Variants in ACACB observed in about 807,000 individuals in gnomAD.
ACACB encodes acetyl-CoA carboxylase beta, also known as acetyl-CoA carboxylase 2.
Under a neutral mutation model 278.8 loss-of-function variants are expected in ACACB, and 209 were observed. The observed-to-expected ratio is 0.75, with a 90% confidence interval of 0.67 to 0.84. The LOEUF (loss-of-function observed/expected upper bound fraction) is 0.84. ACACB is among the 40% of genes least tolerant of loss of function. ACACB has a pLI of 0.00. For missense variants in ACACB, 2,850 were observed against 3,269.0 expected, an observed-to-expected ratio of 0.87 and a Z score of 3.13; for synonymous variants, 1,174 against 1,285.6, an observed-to-expected ratio of 0.91 and a Z score of 1.86.
upstream of ACACB, among the ~76,000 whole-genome samples, chr12:109,113,722 A>C (rs1005854172): frequency 1.3e-5 from 2 of 152,208 alleles, no homozygotes; most frequent in African/African-American, 4.8e-5. Context: ...GTGGAGAAGC[A>C]AACTTTTTGG....
intron 2 of ACACB, among the ~76,000 whole-genome samples, chr12:109,162,917 A>T (rs766288093): frequency 3.2e-4 from 48 of 152,162 alleles, no homozygotes; most frequent in Non-Finnish European, 5.9e-4. Context: ...ATTTGGGTTC[A>T]GTTTCTTTTT....
chr12:109,265,228 A>G lies in ACACB; in HGVS notation c.7061A>G (p.His2354Arg). 6.2e-7 allele frequency: 1 copy of G among 1,613,708 alleles called. No individual in the cohort carries two copies. The highest frequency in any genetic ancestry group is 8.5e-7 in the Non-Finnish European group (1 of 1,180,028). The change falls in exon 51 of 53, where the codon CAT becomes CGT. Residue 2354 changes from histidine to arginine, a missense_variant. His to Arg is a conservative substitution (Grantham distance 29, BLOSUM62 0). Around this residue, in one of 3 missense-constraint regions of ACACB, gnomAD observed 579 missense variants for 684.6 expected, o/e 0.85. Coordinates refer to ENST00000338432, the MANE Select transcript of ACACB (RefSeq NM_001093.4). ...LQASGELSHV[H>R]IQSMLRRWFV... ...GCCAGCGGGGAGCTGAGTCACGTGC[A>G]TATCCAGTCCATGCTGCGTCGCTGG...
At chr12:109,164,163 G>A (rs1007278619) in intron 2 of ACACB, among the ~76,000 whole-genome samples, 2 of 152,186 alleles carry the variant, frequency 1.3e-5, no homozygotes, top group South Asian at 2.1e-4. Flanking sequence ...AATTACTCTT[G>A]TTCTAGCAGC....
In ACACB at chr12:109,262,549, T is replaced by TA. The variant is rs1041954791; in HGVS notation, c.6787+85dup. On this transcript the variant is annotated intron_variant, in intron 49 of 52. Coordinates refer to ENST00000338432, the MANE Select transcript of ACACB (RefSeq NM_001093.4). The stretch of plus-strand genomic sequence containing the variant: ...CCACTGCTGGGGGTTTCTAGGATGT[T>TA]AAAAATAAAATGAAAAAATACCAAA... 2.6e-5 allele frequency: 21 copies of TA among 804,390 alleles called. No homozygotes were observed. The Admixed American group carries it at 5.7e-4, about 22-fold the overall frequency. The allele number at this position is 804,390 out of a possible 1,614,324, so 49.8% of individuals were successfully genotyped here.
chr12:109,262,637 G>GT (rs1341114982), intron 49 of ACACB, among the ~76,000 whole-genome samples, 168 bp downstream of exon 49: 9 of 151,878 alleles, frequency 5.9e-5, no homozygotes, highest in South Asian at 2.1e-4. Flanking sequence ...GTTTTGTTTT[G>GT]TTTTTTTGAG....
intron 28 of ACACB, among the ~76,000 whole-genome samples, chr12:109,228,196 T>C (rs1395791384): frequency 6.7e-6 from 1 of 149,932 alleles, no homozygotes; most frequent in Non-Finnish European, 1.5e-5. Context: ...AAAATTAGCC[T>C]GGCATGGTGG....
chr12:109,266,228 C>T lies in ACACB; in HGVS notation c.7251-8C>T, dbSNP rs2047514538. ...GTGATCCCAGCCCTCCTCTCACCTCCCCCACAGCCTGGTTGAAGAAAACCC... is the reference window on the plus strand; with the variant it reads ...GTGATCCCAGCCCTCCTCTCACCTCTCCCACAGCCTGGTTGAAGAAAACCC... On this transcript the variant is annotated splice_region_variant and splice_polypyrimidine_tract_variant and intron_variant, in intron 52 of 52. Coordinates refer to ENST00000338432, the MANE Select transcript of ACACB (RefSeq NM_001093.4). The T allele has an allele frequency of 6.2e-7, 1 of 1,611,748 alleles. No individual in the cohort carries two copies.
At position 109,232,853 on chromosome 12, in the gene ACACB, G is replaced by A. The variant is rs369619046; in HGVS notation, c.4139+47G>A. ...CCAACACCCTGAGCATGGGGGCTGG[G>A]CAGACTTCCCTTGAATCCCCCCCCA... On this transcript the variant is annotated intron_variant, in intron 29 of 52. Transcript: ENST00000338432. 59 of 1,605,654 alleles carry A rather than the reference G, an allele frequency of 3.7e-5. No individual in the cohort carries two copies. In the Middle Eastern group the frequency reaches 1.3e-3, roughly 37 times the overall value.
chr12:109,186,724 A>G (rs2044676233), intron 12 of ACACB, among the ~76,000 whole-genome samples: 2 of 152,098 alleles, frequency 1.3e-5, no homozygotes, highest in African/African-American at 2.4e-5. Context: ...AAGCTAGGGT[A>G]GCTGTATTCA....
chr12:109,187,165 G>T (rs1008644841), intron 12 of ACACB, among the ~76,000 whole-genome samples: 5 of 151,906 alleles, frequency 3.3e-5, no homozygotes, highest in African/African-American at 1.2e-4. Flanking sequence ...AAGGAGGAAG[G>T]AAGGAGAGAA....
chr12:109,260,209 G>A, intron 47 of ACACB: 1 of 1,407,056 alleles, frequency 7.1e-7, no homozygotes, highest in Non-Finnish European at 9.6e-7. Flanking sequence ...TCATGGGTGA[G>A]GGCATTTCAA....
intron 19 of ACACB, among the ~76,000 whole-genome samples, chr12:109,202,076 C>T (rs1029933430): frequency 1.4e-4 from 21 of 152,300 alleles, no homozygotes; most frequent in African/African-American, 5.1e-4. Flanking sequence ...CTGTGAAGGA[C>T]CTACCCCAGA....
At chr12:109,167,407 G>T in intron 3 of ACACB, 1 of 159,252 alleles carries the variant, frequency 6.3e-6, no homozygotes, top group Non-Finnish European at 1.4e-5. Flanking sequence ...AGACCAGCAT[G>T]GACGACATGA....
intron 22 of ACACB, among the ~76,000 whole-genome samples, chr12:109,214,411 G>C (rs2045935214): frequency 6.6e-6 from 1 of 152,186 alleles, no homozygotes; most frequent in Non-Finnish European, 1.5e-5. Flanking sequence ...AGCTGTTAGG[G>C]AGAGAGATTT....
chr12:109,218,245 AG>A (rs2136480773), intron 24 of ACACB, among the ~76,000 whole-genome samples: 1 of 152,304 alleles, frequency 6.6e-6, no homozygotes, highest in South Asian at 2.1e-4. Flanking sequence ...TCTGTTGCCC[AG>A]GCTGGAGTGC....
At chr12:109,252,264 A>T in intron 42 of ACACB, 108 bp downstream of exon 42, 1 of 695,306 alleles carries the variant, frequency 1.4e-6, no homozygotes, top group African/African-American at 1.8e-5. Flanking sequence ...AGCCAGTTTC[A>T]TTCCTACTGA....
chr12:109,137,467 C>T (rs2042994442), intron 1 of ACACB, among the ~76,000 whole-genome samples: 2 of 152,046 alleles, frequency 1.3e-5, no homozygotes, highest in African/African-American at 4.8e-5. Context: ...AGACACCAGC[C>T]TAGCCAACAT....
chr12:109,243,893 A>ATTTATT (rs35720403), intron 37 of ACACB, among the ~76,000 whole-genome samples: 47 of 144,990 alleles, frequency 3.2e-4, no homozygotes, highest in South Asian at 1.3e-3. Context: ...ATATATATAT[A>ATTTATT]TATTTATTTA....
Position 109,266,530 on chromosome 12 carries a change from A to G in ACACB, c.*168A>G. ...TGACACCCGTCTTAACAAAAGGCCC[A>G]GGAGTGCCTCTTCCAAACAAAAACA... is the stretch of plus-strand genomic sequence containing the variant. On this transcript the variant is annotated 3_prime_UTR_variant, in exon 53 of 53. Transcript: ENST00000338432. 1.3e-6 allele frequency: 1 copy of G among 765,602 alleles called. No homozygotes were observed. The highest frequency in any genetic ancestry group is 4.1e-5 in the Admixed American group (1 of 24,250). The allele number at this position is 765,602 out of a possible 1,614,324, so 47.4% of individuals were successfully genotyped here. A position where few individuals can be genotyped will look rare whatever the true frequency, so the allele number is the denominator to read the frequency against.
Sources: gnomAD v4.1 joint callset for allele counts (sites outside exome capture counted in the v4.1 genomes callset) on GRCh38, gnomAD v4.1.1 for gene constraint, gnomAD v4.1.1 regional missense constraint, MANE v1.5 for transcripts, NCBI Gene and HGNC (gene_info 2026-07-23, HGNC 2026-07-21) for gene names.